Variants in ANKH observed in about 807,000 individuals in gnomAD.
The protein encoded by ANKH is mineralization regulator ANKH.
Under a neutral mutation model 49.0 loss-of-function variants are expected in ANKH, and 15 were observed. The ratio of observed to expected loss-of-function variants is 0.31; its 90% CI spans 0.20 to 0.47. ANKH has a LOEUF of 0.47. Among genes scored for constraint, ANKH ranks in the 20% least tolerant of loss-of-function variants. The pLI, the probability that ANKH is intolerant of heterozygous loss-of-function variation, is 1.00. For missense variants in ANKH, 429 were observed against 652.0 expected (o/e 0.66, Z 3.72); for synonymous variants, 273 against 260.0 (o/e 1.05, Z -0.48).
At chr5:14,790,342 T>C (rs902699901) in intron 1 of ANKH, among the ~76,000 whole-genome samples, 1 of 152,198 alleles carries the variant, frequency 6.6e-6, no homozygotes, top group African/African-American at 2.4e-5. Context: ...TCTTGGCTGA[T>C]GCCAAAAATG....
chr5:14,865,192 G>A (rs532517524), intron 1 of ANKH, among the ~76,000 whole-genome samples: 3 of 152,168 alleles, frequency 2.0e-5, no homozygotes, highest in South Asian at 2.1e-4. Flanking sequence ...CCCGGGAGGC[G>A]GAGGTTGTGG....
At chr5:14,790,207 A>G (rs1256926443) in intron 1 of ANKH, among the ~76,000 whole-genome samples, 3 of 152,228 alleles carry the variant, frequency 2.0e-5, no homozygotes, top group African/African-American at 7.2e-5. Context: ...CTCCATAATT[A>G]CTTACTTCCA....
At position 14,853,514 on chromosome 5, in the gene ANKH, T is replaced by G. The variant is rs572495989; in HGVS notation, c.96+17838A>C. 2.0e-5 allele frequency among the ~76,000 whole-genome samples: 3 copies of G among 152,152 alleles called. No individual in the cohort carries two copies. The South Asian group carries it at 6.2e-4, about 32-fold the overall frequency. ...ATCGCTTGAGCCCAGGAGGTTGAGG[T>G]CGCAGTGAGCTGAGATTGTGCCACT... is the stretch of plus-strand genomic sequence containing the variant. On this transcript the variant is annotated intron_variant, in intron 1 of 11. Transcript: ENST00000284268.
At chr5:14,728,980 G>C (rs1405162830) in intron 8 of ANKH, among the ~76,000 whole-genome samples, 1 of 152,202 alleles carries the variant, frequency 6.6e-6, no homozygotes, top group Non-Finnish European at 1.5e-5. Context: ...ACAGTAGGTA[G>C]AAATGGGAGT....
At chr5:14,743,340 G>A (rs1360881352) in intron 7 of ANKH, among the ~76,000 whole-genome samples, 5 of 152,188 alleles carry the variant, frequency 3.3e-5, no homozygotes, top group Non-Finnish European at 7.3e-5. Context: ...CACACATACT[G>A]CCATGGGGAC....
chr5:14,724,132 A>C (rs1737752113), intron 8 of ANKH, among the ~76,000 whole-genome samples: 2 of 152,172 alleles, frequency 1.3e-5, no homozygotes, highest in Non-Finnish European at 2.9e-5. Flanking sequence ...AGCCTAACCA[A>C]CATGGAGAAG....
intron 1 of ANKH, among the ~76,000 whole-genome samples, chr5:14,807,059 C>T (rs1357740094): frequency 6.6e-6 from 1 of 151,844 alleles, no homozygotes; most frequent in Admixed American, 6.6e-5. Flanking sequence ...CACAAAGAGT[C>T]CTAGCTAATC....
At chr5:14,851,720 G>A (rs1251049508) in intron 1 of ANKH, among the ~76,000 whole-genome samples, 1 of 152,174 alleles carries the variant, frequency 6.6e-6, no homozygotes, top group Non-Finnish European at 1.5e-5. Context: ...ACCAAAAAAG[G>A]AATGTAAGTA....
intron 6 of ANKH, among the ~76,000 whole-genome samples, 186 bp from the exon 7 acceptor site, chr5:14,746,148 C>G (rs1481900674): frequency 1.3e-5 from 2 of 152,216 alleles, no homozygotes; most frequent in East Asian, 1.9e-4. Flanking sequence ...AAATTGGGCT[C>G]CTAGGGGCAG....
At chr5:14,748,797 C>T (rs1738620579) in intron 6 of ANKH, among the ~76,000 whole-genome samples, 1 of 152,228 alleles carries the variant, frequency 6.6e-6, no homozygotes, top group Non-Finnish European at 1.5e-5. Flanking sequence ...CCTCTGCCAC[C>T]ACGGTGAAGA....
Position 14,713,890 on chromosome 5 carries a change from A to G in ANKH, c.1142-223T>C, listed in dbSNP as rs1203992383. ...CCTCCTCACAGCCCTTTGGATCTAA[A>G]TGGCTGGGACCAGGCAGGCTCCTTT... is the stretch of plus-strand genomic sequence containing the variant. On this transcript the variant is annotated intron_variant, in intron 9 of 11. Transcript: ENST00000284268. This position sits in a 1 kb window ranked among gnomAD's most constrained non-coding sequence, Gnocchi z 4.4. 1.3e-5 allele frequency among the ~76,000 whole-genome samples: 2 copies of G among 152,160 alleles called. No individual in the cohort carries two copies. The highest frequency in any genetic ancestry group is 2.9e-5 in the Non-Finnish European group (2 of 68,022).
intron 2 of ANKH, among the ~76,000 whole-genome samples, chr5:14,762,731 A>AC (rs529220589): frequency 3.4e-5 from 4 of 116,472 alleles, no homozygotes; most frequent in South Asian, 3.4e-4. Flanking sequence ...AGCTAGAGCT[A>AC]TTGGGGGGGT....
In ANKH at chr5:14,737,310, A is replaced by T. The variant is rs375497225; in HGVS notation, c.1011+4517T>A. On this transcript the variant is annotated intron_variant, in intron 8 of 11. Transcript: ENST00000284268. This position sits in a 1 kb window ranked among gnomAD's most constrained non-coding sequence, Gnocchi z 5.0. ...CTTATCCCCACTTCTAGAGTCCAGG[A>T]GGGCACCATGATAGGCCCCAGGGGT... 2.0e-5 allele frequency among the ~76,000 whole-genome samples: 3 copies of T among 152,078 alleles called. No homozygotes were observed. The highest frequency in any genetic ancestry group is 7.2e-5 in the African/African-American group (3 of 41,412).
At chr5:14,843,679 A>G (rs959690497) in intron 1 of ANKH, among the ~76,000 whole-genome samples, 1 of 152,160 alleles carries the variant, frequency 6.6e-6, no homozygotes, top group Non-Finnish European at 1.5e-5. Context: ...AGAAGACTCA[A>G]GCTTAACATG....
intron 1 of ANKH, chr5:14,869,734 G>T (rs1410227571): frequency 6.6e-6 from 1 of 152,146 alleles, no homozygotes; most frequent in East Asian, 1.9e-4. Context: ...CAATATTGTG[G>T]TATGCGTCAG....
chr5:14,858,798 G>A (rs187425529), intron 1 of ANKH, among the ~76,000 whole-genome samples: 1 of 150,396 alleles, frequency 6.6e-6, no homozygotes, highest in Non-Finnish European at 1.5e-5. Flanking sequence ...GAGATAAGAA[G>A]ATTATGCACT....
At chr5:14,805,106 A>G (rs1245069737) in intron 1 of ANKH, among the ~76,000 whole-genome samples, 1 of 152,028 alleles carries the variant, frequency 6.6e-6, no homozygotes, top group Non-Finnish European at 1.5e-5. Flanking sequence ...TGGGCTGGGG[A>G]AGGCAGACCC....
chr5:14,820,514 A>T (rs1191353418), intron 1 of ANKH, among the ~76,000 whole-genome samples: 1 of 152,236 alleles, frequency 6.6e-6, no homozygotes, highest in Non-Finnish European at 1.5e-5. Context: ...AAAACTACTA[A>T]GAGGAGACAC....
intron 1 of ANKH, among the ~76,000 whole-genome samples, chr5:14,773,160 A>C (rs771573858): frequency 5.9e-5 from 9 of 152,174 alleles, no homozygotes; most frequent in Non-Finnish European, 1.3e-4. Flanking sequence ...GACATCAACA[A>C]TAGCATGTGG....
Sources: allele counts gnomAD v4.1 joint callset (sites outside exome capture counted in the v4.1 genomes callset), GRCh38; gene constraint gnomAD v4.1.1; non-coding constraint Gnocchi (gnomAD v3.1); transcripts MANE v1.5; gene names NCBI Gene and HGNC (gene_info 2026-07-23, HGNC 2026-07-21).